ZNF710: variants seen among roughly 807,000 people sequenced by gnomAD.
ZNF710 encodes zinc finger protein 710.
ZNF710 carries 13 observed loss-of-function variants against 50.6 expected under a neutral mutation model. The ratio of observed to expected loss-of-function variants is 0.26; its 90% confidence interval spans 0.17 to 0.41. The LOEUF is 0.41. ZNF710 is among the 10% of genes least tolerant of loss of function. The pLI is 1.00. For missense variants in ZNF710, 721 were observed against 936.6 expected, an observed-to-expected ratio of 0.77 and a Z score of 3.01; for synonymous variants, 383 against 397.0, an observed-to-expected ratio of 0.96 and a Z score of 0.42.
chr15:90,076,994 C>A (rs951863824), intron 4 of ZNF710, among the ~76,000 whole-genome samples: 1 of 152,124 alleles, frequency 6.6e-6, no homozygotes, highest in Non-Finnish European at 1.5e-5. Flanking sequence ...GCTCCAGGTC[C>A]CCACCTCCCT....
intron 1 of ZNF710, among the ~76,000 whole-genome samples, chr15:90,065,232 G>T (rs577865099): frequency 1.3e-5 from 2 of 152,200 alleles, no homozygotes; most frequent in African/African-American, 2.4e-5. Context: ...TGGGCGCTGG[G>T]GGGAGGGGGA....
At position 90,040,052 on chromosome 15, in the gene ZNF710, A is replaced by G. The variant is rs1306808372; in HGVS notation, c.-28-27058A>G. 1.3e-5 allele frequency among the ~76,000 whole-genome samples: 2 copies of G among 152,248 alleles called. No individual in the cohort carries two copies. The highest frequency in any genetic ancestry group is 2.9e-5 in the Non-Finnish European group (2 of 68,036). On this transcript the variant is annotated intron_variant, in intron 1 of 4. Transcript: ENST00000268154. The surrounding 1 kb of genome is among the most constrained non-coding windows in gnomAD (Gnocchi z 4.6). The stretch of plus-strand genomic sequence containing the variant: ...CATATTAGGAAAGACCATAATGTAC[A>G]GCAGAGGTGCCTGGTGAGGAAACAG...
intron 1 of ZNF710, among the ~76,000 whole-genome samples, chr15:90,026,331 A>G (rs1414933376): frequency 6.6e-6 from 1 of 151,948 alleles, no homozygotes; most frequent in East Asian, 1.9e-4. Flanking sequence ...ATTTTAAAAT[A>G]ATAGAAACGT....
chr15:90,014,335 G>A lies in ZNF710; in HGVS notation c.-29+12721G>A, dbSNP rs111508603. On this transcript the variant is annotated intron_variant, in intron 1 of 4. Coordinates refer to ENST00000268154, the MANE Select transcript of ZNF710 (RefSeq NM_198526.4). ...GTAATTCTGAGGTAACTGGGCATGA[G>A]TTGGAAGAGAGGAAGGAGAAGGGAC... 1.5e-3 allele frequency among the ~76,000 whole-genome samples: 232 copies of A among 152,134 alleles called. 2 individuals carry two copies. The highest frequency in any genetic ancestry group is 5.2e-3 in the African/African-American group (214 of 41,510).
intron 1 of ZNF710, among the ~76,000 whole-genome samples, chr15:90,002,940 C>T (rs1401175342): frequency 6.6e-6 from 1 of 152,148 alleles, no homozygotes; most frequent in Non-Finnish European, 1.5e-5. Context: ...GTGGCGCGAT[C>T]TCGGCTCACT....
intron 1 of ZNF710, among the ~76,000 whole-genome samples, chr15:90,052,124 C>T (rs1190411972): frequency 6.6e-6 from 1 of 152,148 alleles, no homozygotes; most frequent in Non-Finnish European, 1.5e-5. Context: ...TAGTGGAGGA[C>T]TACCAATACC....
intron 1 of ZNF710, among the ~76,000 whole-genome samples, chr15:90,032,475 CAATTAAGAAT>C (rs1170292175): frequency 6.6e-6 from 1 of 151,998 alleles, no homozygotes; most frequent in Admixed American, 6.6e-5. Flanking sequence ...CAAAAAGTAA[CAATTAAGAAT>C]GTGTGTTTGG....
chr15:90,008,631 A>G (rs2151461163), intron 1 of ZNF710, among the ~76,000 whole-genome samples: 1 of 151,064 alleles, frequency 6.6e-6, no homozygotes, highest in East Asian at 1.9e-4. Context: ...AAAAAGTTTT[A>G]TAAATCAGTC....
chr15:90,034,850 G>A lies in ZNF710; in HGVS notation c.-28-32260G>A, dbSNP rs771573140. Among the ~76,000 whole-genome samples, 9 of 152,152 alleles carry A rather than the reference G, an allele frequency of 5.9e-5. No individual in the cohort carries two copies. The highest frequency in any genetic ancestry group is 4.2e-4 in the South Asian group (2 of 4,804). ...ACCTCTTCCACATCGCCCCAAGGTC[G>A]GGCTGAAGAGATTTGGATCTTCTGA... On this transcript the variant is annotated intron_variant, in intron 1 of 4. Coordinates refer to ENST00000268154, the MANE Select transcript of ZNF710 (RefSeq NM_198526.4). This position sits in a 1 kb window ranked among gnomAD's most constrained non-coding sequence, Gnocchi z 4.0.
At chr15:90,024,287 G>C (rs2151478014) in intron 1 of ZNF710, among the ~76,000 whole-genome samples, 1 of 152,228 alleles carries the variant, frequency 6.6e-6, no homozygotes, top group South Asian at 2.1e-4. Context: ...CCCAGAAAAG[G>C]GCACCCCGGT....
At position 90,074,270 on chromosome 15, in the gene ZNF710, A is replaced by T; in HGVS notation, c.1805A>T (p.Asp602Val). 1 of 1,613,656 alleles carries T rather than the reference A, an allele frequency of 6.2e-7. No homozygotes were observed. The highest frequency in any genetic ancestry group is 8.5e-7 in the Non-Finnish European group (1 of 1,179,988). The change falls in exon 4 of 5, where the codon GAC (aspartate) becomes GTC (valine). Residue 602 changes from aspartate (D) to valine (V), a missense_variant. Physicochemically the swap from Asp to Val is radical, Grantham distance 152. This residue lies in a region of ZNF710 where 326 missense variants were observed against 522.0 expected (regional missense o/e 0.62). Coordinates refer to ENST00000268154, the MANE Select transcript of ZNF710 (RefSeq NM_198526.4). The stretch of plus-strand genomic sequence containing the variant: ...ATGAAGGTCAAGCATGGCGTCATGG[A>T]CATCGGCCTGGACAGCCAAGGTGGG... ...RHMKVKHGVM[D>V]IGLDSQDPMM...
intron 1 of ZNF710, among the ~76,000 whole-genome samples, chr15:90,038,707 CTGTGTGTGTGTG>C (rs144152063): frequency 9.1e-5 from 13 of 143,580 alleles, no homozygotes; most frequent in African/African-American, 2.6e-4. Context: ...CCTCCCTGCT[CTGTGTGTGTGTG>C]TGTGTGTGTG....
intron 1 of ZNF710, among the ~76,000 whole-genome samples, chr15:90,043,124 G>A (rs770620558): frequency 2.0e-5 from 3 of 152,228 alleles, no homozygotes; most frequent in African/African-American, 4.8e-5. Context: ...ACCGGGGACC[G>A]AGCACCTCCT....
intron 2 of ZNF710, among the ~76,000 whole-genome samples, chr15:90,069,417 A>AG (rs1408007255): frequency 1.3e-5 from 2 of 151,764 alleles, no homozygotes; most frequent in Admixed American, 6.6e-5. Context: ...TCCAAAAAAA[A>AG]AAAATCATTT....
intron 1 of ZNF710, among the ~76,000 whole-genome samples, chr15:90,003,811 G>A (rs1054013579): frequency 1.3e-5 from 2 of 152,140 alleles, no homozygotes; most frequent in Non-Finnish European, 2.9e-5. Context: ...ACCTCTGATC[G>A]GTCATCTGTA....
In ZNF710 at chr15:90,040,950, C is replaced by T. The variant is rs1899278023; in HGVS notation, c.-28-26160C>T. 6.6e-6 allele frequency among the ~76,000 whole-genome samples: 1 copy of T among 152,224 alleles called. No homozygotes were observed. Among genetic ancestry groups the T allele is most frequent in the Admixed American group, 6.5e-5 (1 of 15,282 alleles). On this transcript the variant is annotated intron_variant, in intron 1 of 4. Transcript: ENST00000268154. The surrounding 1 kb of genome is among the most constrained non-coding windows in gnomAD (Gnocchi z 4.6). ...AGGTCGCAATTTTGGGTTAAGCCCA[C>T]AGTATAAATACTATTCACTGCTAAA...
At position 90,080,507 on chromosome 15, in the gene ZNF710, ACACATGTCGTC is replaced by A. The variant is rs1451888183; in HGVS notation, c.*682_*692del. 6.5e-6 allele frequency: 1 copy of A among 152,712 alleles called. No individual in the cohort carries two copies. The highest frequency in any genetic ancestry group is 2.4e-5 in the African/African-American group (1 of 41,460). The allele number at this position is 152,712 out of a possible 1,614,324, so 9.5% of individuals were successfully genotyped here. A position where few individuals can be genotyped will look rare whatever the true frequency, so the allele number is the denominator to read the frequency against. Reference sequence around the variant, plus strand: ...GTGAGTGTCCCTACAGTGGATTGCAACACATGTCGTCCACTTCGACCCTAGCTGGAGTGCCT... The same window carrying A: ...GTGAGTGTCCCTACAGTGGATTGCAACACTTCGACCCTAGCTGGAGTGCCT... On this transcript the variant is annotated 3_prime_UTR_variant, in exon 5 of 5. Transcript: ENST00000268154.
intron 1 of ZNF710, among the ~76,000 whole-genome samples, chr15:90,051,832 G>T (rs1013441936): frequency 2.0e-5 from 3 of 152,126 alleles, no homozygotes; most frequent in African/African-American, 7.2e-5. Context: ...ACTCCAGGCT[G>T]AAAGGAAGGG....
At position 90,024,360 on chromosome 15, in the gene ZNF710, A is replaced by G. The variant is rs186352590; in HGVS notation, c.-29+22746A>G. ...CTCCCTCTGACTCCTATGGACCCGG[A>G]CCCCACCAGACTATGTTGGGGGTGG... is the stretch of plus-strand genomic sequence containing the variant. On this transcript the variant is annotated intron_variant, in intron 1 of 4. Coordinates refer to ENST00000268154, the MANE Select transcript of ZNF710 (RefSeq NM_198526.4). Among the ~76,000 whole-genome samples the G allele has an allele frequency of 2.2e-3, 332 of 152,094 alleles. 1 individual carries two copies. The highest frequency in any genetic ancestry group is 6.0e-3 in the African/African-American group (250 of 41,482).
Sources: allele counts gnomAD v4.1 joint callset (sites outside exome capture counted in the v4.1 genomes callset), GRCh38; gene constraint gnomAD v4.1.1; regional missense constraint gnomAD v4.1.1; non-coding constraint Gnocchi (gnomAD v3.1); transcripts MANE v1.5; gene names NCBI Gene and HGNC (gene_info 2026-07-23, HGNC 2026-07-21).